The following THAP12 variants were observed in gnomAD, a reference collection of about 807,000 sequenced individuals.
The protein encoded by THAP12 is 52 kDa repressor of the inhibitor of the protein kinase.
In THAP12, 20 loss-of-function variants were observed where a neutral mutation model predicts 63.0. The observed-to-expected ratio is 0.32, with a 90% CI of 0.22 to 0.46. The LOEUF is 0.46. Ranked by LOEUF, THAP12 falls within the 20% of genes least tolerant of loss-of-function variation. The pLI, the probability that THAP12 is intolerant of heterozygous loss-of-function variation, is 1.00. For synonymous variants in THAP12, 264 were observed against 328.4 expected, an observed-to-expected ratio of 0.80 and a Z score of 2.12; for missense variants, 568 against 908.2, an observed-to-expected ratio of 0.63 and a Z score of 4.81.
intron 2 of THAP12, chr11:76,364,491 AGTTTAT>A: frequency 2.8e-6 from 1 of 361,338 alleles, no homozygotes; most frequent in South Asian, 2.0e-5. Flanking sequence ...CTTTGAATCA[AGTTTAT>A]GTCTATCCCA....
chr11:76,358,042 T>A (rs1038898306), intron 3 of THAP12: 1 of 152,084 alleles, frequency 6.6e-6, no homozygotes, highest in African/African-American at 2.4e-5. Flanking sequence ...TTTAGAAACA[T>A]TAACAAAACA....
intron 4 of THAP12, 142 bp from the exon 5 acceptor site, chr11:76,352,936 G>T: frequency 2.1e-6 from 2 of 951,242 alleles, no homozygotes; most frequent in Non-Finnish European, 2.9e-6. Context: ...CCACAGACTA[G>T]GACAGAGATT....
chr11:76,357,355 T>A (rs969893274), intron 3 of THAP12: 5 of 151,764 alleles, frequency 3.3e-5, no homozygotes, highest in Non-Finnish European at 7.4e-5. Flanking sequence ...TTCATCTAAG[T>A]CCCAGGAAAA....
At chr11:76,354,950 G>T (rs1034813303) in intron 4 of THAP12, among the ~76,000 whole-genome samples, 21 of 152,116 alleles carry the variant, frequency 1.4e-4, no homozygotes, top group African/African-American at 5.1e-4. Context: ...CATAAAGAGG[G>T]AAATAACAGT....
intron 1 of THAP12, among the ~76,000 whole-genome samples, chr11:76,371,959 C>T (rs1362287285): frequency 2.0e-5 from 3 of 151,338 alleles, no homozygotes; most frequent in Admixed American, 2.0e-4. Context: ...ATTACAGGCA[C>T]CCCCCACCAT....
chr11:76,360,049 T>G (rs571852296), intron 3 of THAP12, among the ~76,000 whole-genome samples: 1 of 152,228 alleles, frequency 6.6e-6, no homozygotes, highest in East Asian at 1.9e-4. Context: ...TTTATACCAG[T>G]GGACGAAAGG....
intron 1 of THAP12, among the ~76,000 whole-genome samples, chr11:76,367,264 C>G (rs1946638016): frequency 1.3e-5 from 2 of 152,174 alleles, no homozygotes; most frequent in African/African-American, 4.8e-5. Context: ...TTAGTAGAGA[C>G]TGGGTTTCTC....
At chr11:76,368,736 C>T (rs1946649248) in intron 1 of THAP12, 1 of 152,158 alleles carries the variant, frequency 6.6e-6, no homozygotes, top group African/African-American at 2.4e-5. Context: ...ATCTTAACTC[C>T]TACTTGTACA....
intron 4 of THAP12, among the ~76,000 whole-genome samples, chr11:76,354,286 G>A (rs1251036409): frequency 1.3e-5 from 2 of 152,112 alleles, no homozygotes; most frequent in African/African-American, 4.8e-5. Context: ...CAAATCAGAT[G>A]ACACTGCTAT....
At position 76,359,752 on chromosome 11, in the gene THAP12, G is replaced by A. The variant is rs142072568; in HGVS notation, c.318+1204C>T. Among the ~76,000 whole-genome samples the A allele has an allele frequency of 5.6e-4, 85 of 151,928 alleles. 1 individual carries two copies. The highest frequency in any genetic ancestry group is 1.9e-3 in the African/African-American group (80 of 41,412). ...TGAGGCAGGAGAATTGCTGGAAACCGGGAGGTGGAGGTTGCAGTGAGCCAA... is the reference window on the plus strand; with the variant it reads ...TGAGGCAGGAGAATTGCTGGAAACCAGGAGGTGGAGGTTGCAGTGAGCCAA... On this transcript the variant is annotated intron_variant, in intron 3 of 4. Coordinates refer to ENST00000260045, the MANE Select transcript of THAP12 (RefSeq NM_004705.4).
intron 3 of THAP12, 29 bp from the exon 4 acceptor site, chr11:76,355,683 AC>A (rs1946556773): frequency 2.6e-6 from 4 of 1,558,402 alleles, no homozygotes; most frequent in African/African-American, 2.7e-5. Flanking sequence ...AAAGAAAAAA[AC>A]AAATCATCTT....
chr11:76,375,685 G>A (rs1040151502), intron 1 of THAP12, among the ~76,000 whole-genome samples: 3 of 134,132 alleles, frequency 2.2e-5, no homozygotes, highest in African/African-American at 8.4e-5. Context: ...AGCATTTGAA[G>A]ACTAGACTGG....
At chr11:76,354,829 G>C (rs1334246604) in intron 4 of THAP12, among the ~76,000 whole-genome samples, 1 of 152,112 alleles carries the variant, frequency 6.6e-6, no homozygotes, top group Non-Finnish European at 1.5e-5. Flanking sequence ...ACCATAATGG[G>C]TTATCACAAA....
At chr11:76,355,137 G>A (rs187404513) in intron 4 of THAP12, among the ~76,000 whole-genome samples, 147 of 152,350 alleles carry the variant, frequency 9.6e-4, no homozygotes, top group African/African-American at 3.4e-3. Flanking sequence ...ACAGCTTCTA[G>A]CCCTCGTCCT....
rs551792257 is a variant in THAP12, at chr11:76,379,615, T to C, written c.89+1133A>G. 2.0e-5 allele frequency among the ~76,000 whole-genome samples: 3 copies of C among 152,318 alleles called. 1 individual carries two copies. The South Asian group carries it at 6.2e-4, about 32-fold the overall frequency. ...TCTTTGCTCAAATTCACCTTCTTAG[T>C]GAGGCCTTCTCTAATCACTGTATTT... On this transcript the variant is annotated intron_variant, in intron 1 of 4. Coordinates refer to ENST00000260045, the MANE Select transcript of THAP12 (RefSeq NM_004705.4).
chr11:76,352,913 G>T lies in THAP12; in HGVS notation c.356-119C>A. 4.1e-6 allele frequency: 5 copies of T among 1,207,936 alleles called. No homozygotes were observed. In the South Asian group the frequency reaches 9.1e-5, roughly 22 times the overall value. 74.8% of individuals were successfully genotyped at this position (1,207,936 alleles called of 1,614,324 possible). A position where few individuals can be genotyped will look rare whatever the true frequency, so the allele number is the denominator to read the frequency against. On this transcript the variant is annotated intron_variant, in intron 4 of 4. Coordinates refer to ENST00000260045, the MANE Select transcript of THAP12 (RefSeq NM_004705.4). Reference sequence around the variant, plus strand: ...AAACTCATTCATTCAATATTCATAGGGTATTTACTAGACCACAGACTAGGA... The same window carrying T: ...AAACTCATTCATTCAATATTCATAGTGTATTTACTAGACCACAGACTAGGA...
chr11:76,370,738 C>T (rs1399185105), intron 1 of THAP12, among the ~76,000 whole-genome samples: 1 of 149,884 alleles, frequency 6.7e-6, no homozygotes, highest in African/African-American at 2.5e-5. Flanking sequence ...AGGAGAATCA[C>T]TTGAATCCGG....
intron 4 of THAP12, among the ~76,000 whole-genome samples, chr11:76,353,902 G>A (rs370640556): frequency 5.3e-5 from 8 of 152,168 alleles, no homozygotes; most frequent in African/African-American, 1.7e-4. Flanking sequence ...CCAGCTACTC[G>A]GGAGGCTGAG....
At position 76,351,731 on chromosome 11, in the gene THAP12, T is replaced by C. The variant is rs1221761857; in HGVS notation, c.1419A>G (p.Ala473=). Residue 473 remains alanine (A), a synonymous_variant, in exon 5 of 5, where the codon GCA becomes GCG. Transcript: ENST00000260045. The part of the protein sequence containing the change: ...IAGRAFVLCS[A]VSDFDFIVTI... ...TAACAATGAAATCAAAATCTGACAC[T>C]GCACTGCAGAGTACAAATGCTCGGC... is the stretch of plus-strand genomic sequence containing the variant. 1.5e-5 allele frequency: 24 copies of C among 1,611,232 alleles called. No individual in the cohort carries two copies. The highest frequency in any genetic ancestry group is 2.0e-5 in the Non-Finnish European group (23 of 1,178,730).
Sources: allele counts gnomAD v4.1 joint callset (sites outside exome capture counted in the v4.1 genomes callset), GRCh38; gene constraint gnomAD v4.1.1; transcripts MANE v1.5; gene names NCBI Gene and HGNC (gene_info 2026-07-23, HGNC 2026-07-21).